Variants in HMGB1 observed in about 807,000 individuals in gnomAD.
HMGB1 encodes the protein high mobility group box 1, also known as high mobility group protein B1.
For missense variants in HMGB1, 79 were observed against 253.5 expected, an observed-to-expected ratio of 0.31 and a Z score of 4.67; for synonymous variants, 81 against 84.0, an observed-to-expected ratio of 0.96 and a Z score of 0.19.
intron 1 of HMGB1, among the ~76,000 whole-genome samples, chr13:30,552,927 T>C (rs1343533984): frequency 2.0e-5 from 3 of 152,232 alleles, no homozygotes; most frequent in Admixed American, 1.3e-4. Flanking sequence ...CCCTAGTTTC[T>C]GGCCCCAGGG....
intron 1 of HMGB1, among the ~76,000 whole-genome samples, chr13:30,586,486 T>TGTTTTTTTG (rs1462674924): frequency 7.1e-6 from 1 of 140,846 alleles, no homozygotes; most frequent in African/African-American, 2.6e-5. Context: ...TTTGTTTTTT[T>TGTTTTTTTG]TTTTTTTTTT....
chr13:30,569,964 T>C (rs556180751), intron 1 of HMGB1, among the ~76,000 whole-genome samples: 66 of 152,318 alleles, frequency 4.3e-4, no homozygotes, highest in African/African-American at 1.5e-3. Flanking sequence ...CTAGCCTGCC[T>C]AGAAGTTTGT....
chr13:30,553,431 A>G (rs937642145), intron 1 of HMGB1, among the ~76,000 whole-genome samples: 1 of 152,222 alleles, frequency 6.6e-6, no homozygotes, highest in East Asian at 1.9e-4. Flanking sequence ...TTGGGCACAT[A>G]ATTTAACTTC....
intron 1 of HMGB1, among the ~76,000 whole-genome samples, chr13:30,613,453 C>T (rs1950531390): frequency 6.6e-6 from 1 of 152,114 alleles, no homozygotes; most frequent in African/African-American, 2.4e-5. Context: ...GAGTACATGC[C>T]TTGGAATGAG....
intron 1 of HMGB1, among the ~76,000 whole-genome samples, chr13:30,564,680 T>C (rs1478240671): frequency 6.6e-6 from 1 of 152,234 alleles, no homozygotes; most frequent in Non-Finnish European, 1.5e-5. Flanking sequence ...ATATCTTTAG[T>C]GGATTCAGCA....
chr13:30,587,813 T>A (rs1399904828), intron 1 of HMGB1, among the ~76,000 whole-genome samples: 1 of 152,060 alleles, frequency 6.6e-6, no homozygotes, highest in Non-Finnish European at 1.5e-5. Flanking sequence ...TCTTGAAGAG[T>A]CTGGAAAAAG....
chr13:30,500,525 T>A (rs1887710542), intron 1 of HMGB1, among the ~76,000 whole-genome samples: 1 of 117,208 alleles, frequency 8.5e-6, no homozygotes, highest in South Asian at 3.7e-4. Context: ...GTGTGCTCCC[T>A]CACCTGGCTA....
At chr13:30,519,523 G>A (rs1369715596) in intron 1 of HMGB1, among the ~76,000 whole-genome samples, 11 of 140,342 alleles carry the variant, frequency 7.8e-5, no homozygotes, top group South Asian at 2.3e-4. Context: ...GTGAAACCCT[G>A]TCTCTACTAA....
chr13:30,483,253 C>T (rs1468983600), intron 1 of HMGB1, among the ~76,000 whole-genome samples: 1 of 152,152 alleles, frequency 6.6e-6, no homozygotes, highest in African/African-American at 2.4e-5. Context: ...GGAAGCCTGG[C>T]ACGGCCATAA....
At chr13:30,471,654 CTTTTTTTTTTTTTTTTTTTT>C (rs1171119586) in intron 1 of HMGB1, among the ~76,000 whole-genome samples, 38 of 30,616 alleles carry the variant, frequency 1.2e-3, no homozygotes, top group African/African-American at 4.8e-3. Context: ...CGTGCCCGGC[CTTTTTTTTTTTTTTTTTTTT>C]TTTTTTTTTT....
At chr13:30,501,263 T>G (rs561465373) in intron 1 of HMGB1, among the ~76,000 whole-genome samples, 62 of 152,360 alleles carry the variant, frequency 4.1e-4, no homozygotes, top group African/African-American at 1.4e-3. Flanking sequence ...TGTGGAAGTA[T>G]CTATGGATAG....
At chr13:30,533,813 T>A (rs929294190) in intron 1 of HMGB1, among the ~76,000 whole-genome samples, 5 of 150,036 alleles carry the variant, frequency 3.3e-5, no homozygotes, top group Admixed American at 1.3e-4. Context: ...TTACATAATT[T>A]AAAAAAAAAT....
chr13:30,589,273 G>A (rs1871280020), intron 1 of HMGB1, among the ~76,000 whole-genome samples: 1 of 152,076 alleles, frequency 6.6e-6, no homozygotes, highest in Admixed American at 6.5e-5. Flanking sequence ...CCAAAGGGCT[G>A]GGATTACAGG....
intron 1 of HMGB1, among the ~76,000 whole-genome samples, chr13:30,571,835 T>C (rs2137534590): frequency 6.6e-6 from 1 of 152,224 alleles, no homozygotes; most frequent in African/African-American, 2.4e-5. Context: ...TTTTATAGTA[T>C]AATAATAATA....
chr13:30,508,571 C>T (rs1887923160), intron 1 of HMGB1, among the ~76,000 whole-genome samples: 1 of 151,964 alleles, frequency 6.6e-6, no homozygotes, highest in Non-Finnish European at 1.5e-5. Flanking sequence ...GAAAACATTC[C>T]TTGGTCACCT....
intron 1 of HMGB1, among the ~76,000 whole-genome samples, chr13:30,563,981 C>T (rs1033197437): frequency 1.3e-5 from 2 of 152,082 alleles, no homozygotes; most frequent in Non-Finnish European, 2.9e-5. Flanking sequence ...TCTTGCTTTT[C>T]AATAAATAAT....
chr13:30,603,216 T>C lies in HMGB1; in HGVS notation c.-15+13455A>G, dbSNP rs530716408. Among the ~76,000 whole-genome samples the C allele has an allele frequency of 4.6e-4, 70 of 152,344 alleles. 1 individual carries two copies. The highest frequency in any genetic ancestry group is 5.6e-4 in the Non-Finnish European group (38 of 68,028). On this transcript the variant is annotated intron_variant, in intron 1 of 4. Coordinates refer to the HMGB1 transcript ENST00000405805. The stretch of plus-strand genomic sequence containing the variant: ...AGGCTTTCCTTCCAATTTTGACATG[T>C]AAACAGTCCCTCATTTCTGCTTATC...
intron 1 of HMGB1, among the ~76,000 whole-genome samples, chr13:30,611,118 G>C (rs576120672): frequency 6.6e-6 from 1 of 152,280 alleles, no homozygotes; most frequent in African/African-American, 2.4e-5. Flanking sequence ...TTTATGGCTG[G>C]AGTCATTTTA....
chr13:30,580,212 A>G (rs145510869), intron 1 of HMGB1, among the ~76,000 whole-genome samples: 10 of 152,260 alleles, frequency 6.6e-5, no homozygotes, highest in African/African-American at 2.4e-4. Context: ...CTAGTGCAAC[A>G]TCAGAAACAA....
Sources: allele counts gnomAD v4.1 joint callset (sites outside exome capture counted in the v4.1 genomes callset), GRCh38; gene constraint gnomAD v4.1.1; transcripts MANE v1.5; gene names NCBI Gene and HGNC (gene_info 2026-07-23, HGNC 2026-07-21).